The following RGS5 variants were observed in gnomAD, a reference collection of about 807,000 sequenced individuals.
RGS5 encodes regulator of G-protein signalling 5.
RGS5 carries 20 observed loss-of-function variants against 18.9 expected under a neutral mutation model. The ratio of observed to expected loss-of-function variants is 1.06; its 90% CI spans 0.74 to 1.54. The LOEUF is 1.54. RGS5 is among the 40% of genes most tolerant of loss of function. The probability of loss-of-function intolerance (pLI) is 0.00; values close to 1 mark genes in which losing one functional copy is unlikely to be tolerated. For synonymous variants in RGS5, 57 were observed against 76.2 expected (o/e 0.75, Z 1.31); for missense variants, 201 against 211.8 (o/e 0.95, Z 0.32).
At chr1:163,175,468 A>G (rs1329636358) in intron 1 of RGS5, among the ~76,000 whole-genome samples, 2 of 152,140 alleles carry the variant, frequency 1.3e-5, no homozygotes, top group Non-Finnish European at 2.9e-5. Flanking sequence ...CCTTAGCGGG[A>G]GTATAAGAAT....
intron 2 of RGS5, among the ~76,000 whole-genome samples, chr1:163,289,023 A>T (rs1354859847): frequency 6.6e-6 from 1 of 152,086 alleles, no homozygotes; most frequent in Non-Finnish European, 1.5e-5. Context: ...TTCCTGGGCT[A>T]CCCTAGTTAC....
intron 2 of RGS5, among the ~76,000 whole-genome samples, chr1:163,252,731 T>C (rs964041170): frequency 6.6e-6 from 1 of 152,126 alleles, no homozygotes; most frequent in Non-Finnish European, 1.5e-5. Context: ...TGGGGACAAA[T>C]GTAAAACAAA....
chr1:163,308,037 G>A (rs1354698594), intron 1 of RGS5, among the ~76,000 whole-genome samples: 1 of 152,192 alleles, frequency 6.6e-6, no homozygotes, highest in Admixed American at 6.5e-5. Context: ...CTACTTTAAA[G>A]TGTGAGTTTA....
chr1:163,265,023 T>C (rs1369809973), intron 2 of RGS5, among the ~76,000 whole-genome samples: 1 of 152,124 alleles, frequency 6.6e-6, no homozygotes, highest in Admixed American at 6.6e-5. Flanking sequence ...TATTACATAC[T>C]TGTGTATATT....
chr1:163,177,653 G>T (rs752910120), intron 1 of RGS5, among the ~76,000 whole-genome samples: 5 of 152,150 alleles, frequency 3.3e-5, no homozygotes, highest in Non-Finnish European at 5.9e-5. Context: ...TAATCTAGGT[G>T]CAAGGACTCC....
chr1:163,151,896 C>T (rs1242924245), intron 4 of RGS5, among the ~76,000 whole-genome samples: 1 of 152,070 alleles, frequency 6.6e-6, no homozygotes, highest in Non-Finnish European at 1.5e-5. Flanking sequence ...GAAATATTTA[C>T]ATATACATAA....
At chr1:163,285,150 G>A (rs116032010) in intron 2 of RGS5, among the ~76,000 whole-genome samples, 10,219 of 152,208 alleles carry the variant, frequency 0.067, 359 homozygotes, top group South Asian at 0.094. Context: ...TGGGAATTAT[G>A]AGAATTACAA....
At chr1:163,174,455 C>T (rs1371429050) in intron 1 of RGS5, among the ~76,000 whole-genome samples, 1 of 152,144 alleles carries the variant, frequency 6.6e-6, no homozygotes, top group African/African-American at 2.4e-5. Context: ...AGTAAAGCTG[C>T]ATTTTGGGGT....
intron 2 of RGS5, among the ~76,000 whole-genome samples, chr1:163,303,562 A>G (rs1649619555): frequency 6.6e-6 from 1 of 152,222 alleles, no homozygotes; most frequent in Non-Finnish European, 1.5e-5. Context: ...GGATGAAGAG[A>G]GCTTCTGTAT....
chr1:163,192,387 C>T (rs971734139), intron 1 of RGS5, among the ~76,000 whole-genome samples: 1 of 152,100 alleles, frequency 6.6e-6, no homozygotes, highest in Non-Finnish European at 1.5e-5. Flanking sequence ...GGAAATCCCA[C>T]ACATTGGGTG....
chr1:163,307,887 A>G (rs1446581367), intron 1 of RGS5, among the ~76,000 whole-genome samples: 3 of 152,226 alleles, frequency 2.0e-5, no homozygotes, highest in East Asian at 3.8e-4. Flanking sequence ...CTGAGACTTA[A>G]AGATGTTTAG....
rs1291888986 is a variant in RGS5, at chr1:163,172,531, C to T, written c.45-4163G>A. Reference sequence around the variant, plus strand: ...AACATTGCCAAGAGAAAATCGTATTCCATTTCTTCAGAGCAGACTAACATA... The same window carrying T: ...AACATTGCCAAGAGAAAATCGTATTTCATTTCTTCAGAGCAGACTAACATA... On this transcript the variant is annotated intron_variant, in intron 1 of 4. Transcript: ENST00000313961. The T allele has an allele frequency of 3.9e-6, 6 of 1,543,450 alleles. No homozygotes were observed. In the East Asian group the frequency reaches 1.2e-4, roughly 32 times the overall value.
At chr1:163,218,686 G>A (rs1509019), upstream of RGS5, among the ~76,000 whole-genome samples, 63,804 of 151,846 alleles carry the variant, frequency 0.42, 13,446 homozygotes, top group African/African-American at 0.43. Flanking sequence ...ACGTTCCCCA[G>A]GTGTCTGTGG....
At chr1:163,224,397 G>T (rs1164629430) in intron 2 of RGS5, among the ~76,000 whole-genome samples, 2 of 152,122 alleles carry the variant, frequency 1.3e-5, no homozygotes, top group Admixed American at 6.5e-5. Context: ...CTTTTTAATT[G>T]CTGAATAGTA....
intron 2 of RGS5, among the ~76,000 whole-genome samples, chr1:163,225,031 G>A (rs750786725): frequency 3.3e-5 from 5 of 152,052 alleles, no homozygotes; most frequent in Admixed American, 6.6e-5. Context: ...TTTTTAGTTT[G>A]AGGAAATCCT....
intron 2 of RGS5, among the ~76,000 whole-genome samples, chr1:163,279,009 T>C (rs1648927599): frequency 6.6e-6 from 1 of 151,914 alleles, no homozygotes; most frequent in South Asian, 2.1e-4. Context: ...AATACATGCA[T>C]CCAGAGATAT....
chr1:163,212,723 G>C (rs1660133987), intron 1 of RGS5: 1 of 152,156 alleles, frequency 6.6e-6, no homozygotes, highest in African/African-American at 2.4e-5. Flanking sequence ...ACTAACCTAA[G>C]TATCTAGACC....
intron 1 of RGS5, among the ~76,000 whole-genome samples, chr1:163,307,115 G>C (rs1649722270): frequency 6.6e-6 from 1 of 152,198 alleles, no homozygotes; most frequent in Non-Finnish European, 1.5e-5. Context: ...GGTGAGGGCT[G>C]AAACAGAGGG....
At chr1:163,172,012 C>G (rs556917598) in intron 1 of RGS5, among the ~76,000 whole-genome samples, 1 of 152,200 alleles carries the variant, frequency 6.6e-6, no homozygotes, top group African/African-American at 2.4e-5. Flanking sequence ...AGCAGTCAGT[C>G]AGTTGGGCTA....
Sources: allele counts gnomAD v4.1 joint callset (sites outside exome capture counted in the v4.1 genomes callset), GRCh38; gene constraint gnomAD v4.1.1; transcripts MANE v1.5; gene names NCBI Gene and HGNC (gene_info 2026-07-23, HGNC 2026-07-21).